DMD: variants seen among roughly 807,000 people sequenced by gnomAD.
DMD encodes the protein dystrophin, also known as mutant dystrophin.
A neutral mutation model predicts 330.1 loss-of-function variants in DMD; 63 were observed. That is an observed-to-expected ratio of 0.19 (90% CI 0.16 to 0.24). DMD has a LOEUF of 0.24. DMD is among the 10% of genes least tolerant of loss of function. DMD has a pLI of 1.00. For synonymous variants in DMD, 1,223 were observed against 959.8 expected (o/e 1.27, Z -5.07); for missense variants, 3,344 against 2,684.1 (o/e 1.25, Z -5.43).
rs35180404 is a variant in DMD, at chrX:32,975,346, C to CTT, written c.93+44791_93+44792dup. Reference sequence around the variant, plus strand: ...TTTGCTTTTTAAACTTTAAAAAATGCTTTTTTTTTTTTTTTTTTTTTTTGA... The same window carrying CTT: ...TTTGCTTTTTAAACTTTAAAAAATGCTTTTTTTTTTTTTTTTTTTTTTTTTGA... On this transcript the variant is annotated intron_variant, in intron 2 of 78. Transcript: ENST00000357033. 8.6e-3 allele frequency among the ~76,000 whole-genome samples: 553 copies of CTT among 64,663 alleles called. 9 individuals are homozygous for CTT. The highest frequency in any genetic ancestry group is 0.035 in the East Asian group (69 of 1,984). The allele number at this position is 64,663 out of a possible 115,157, so 56.2% of individuals were successfully genotyped here.
At chrX:31,936,090 G>T (rs533777498) in intron 45 of DMD, among the ~76,000 whole-genome samples, 2 of 110,478 alleles carry the variant, frequency 1.8e-5, no homozygotes, top group Non-Finnish European at 3.8e-5. Flanking sequence ...TTAAAAACTT[G>T]ATTTTTTAAG....
chrX:31,622,877 T>TAC (rs1169355719), intron 55 of DMD, among the ~76,000 whole-genome samples: 2,537 of 70,132 alleles, frequency 0.036, 42 homozygotes, highest in Admixed American at 0.085. Context: ...TATATATATA[T>TAC]ACACACACAC....
chrX:31,804,699 C>T (rs1210944926), intron 50 of DMD, among the ~76,000 whole-genome samples: 1 of 111,825 alleles, frequency 8.9e-6, no homozygotes, highest in East Asian at 2.8e-4. Flanking sequence ...CTCAGTGCTT[C>T]AGCCATACTG....
intron 71 of DMD, among the ~76,000 whole-genome samples, chrX:31,175,961 A>G (rs2148254758): frequency 9.0e-6 from 1 of 111,051 alleles, no homozygotes; most frequent in Non-Finnish European, 1.9e-5. Context: ...AGGAAAACCA[A>G]ACGGTCTGTA....
intron 37 of DMD, among the ~76,000 whole-genome samples, chrX:32,349,308 G>T (rs1213984064): frequency 9.0e-6 from 1 of 111,189 alleles, no homozygotes; most frequent in East Asian, 2.8e-4. Flanking sequence ...TTAGTTATTA[G>T]ATTAAAATTC....
chrX:33,001,189 A>G (rs2093270707), intron 2 of DMD, among the ~76,000 whole-genome samples: 1 of 111,749 alleles, frequency 8.9e-6, no homozygotes, highest in Admixed American at 9.6e-5. Context: ...AGGAGTGACT[A>G]CAATGTGACT....
At chrX:31,925,959 T>C (rs1163819232) in intron 47 of DMD, among the ~76,000 whole-genome samples, 4 of 108,734 alleles carry the variant, frequency 3.7e-5, no homozygotes, top group Non-Finnish European at 5.7e-5. Context: ...TAGATGAAAA[T>C]TAGCCTAAAA....
intron 29 of DMD, among the ~76,000 whole-genome samples, chrX:32,417,175 A>C (rs2147988053): frequency 9.0e-6 from 1 of 111,711 alleles, no homozygotes; most frequent in Non-Finnish European, 1.9e-5. Flanking sequence ...TCTCATTCTA[A>C]GAGATGGAAA....
At chrX:32,756,485 C>T (rs1438260950) in intron 7 of DMD, 7 of 111,714 alleles carry the variant, frequency 6.3e-5, no homozygotes, top group Non-Finnish European at 1.3e-4. Flanking sequence ...ACAAACACAT[C>T]TCTTCAAATA....
intron 62 of DMD, among the ~76,000 whole-genome samples, chrX:31,305,462 A>G (rs2054959206): frequency 9.0e-6 from 1 of 111,381 alleles, no homozygotes; most frequent in African/African-American, 3.3e-5. Flanking sequence ...CTGACCTCCA[A>G]TGCATCAGCA....
At chrX:32,171,556 T>C (rs758998445) in intron 44 of DMD, among the ~76,000 whole-genome samples, 7 of 111,985 alleles carry the variant, frequency 6.3e-5, no homozygotes, top group Non-Finnish European at 1.3e-4. Flanking sequence ...TTAAACTTTG[T>C]TGAACTCATA....
intron 1 of DMD, among the ~76,000 whole-genome samples, chrX:33,088,259 G>GGT (rs2095036231): frequency 9.0e-6 from 1 of 110,808 alleles, no homozygotes; most frequent in Non-Finnish European, 1.9e-5. Flanking sequence ...TGATCAAGCT[G>GGT]GTGTCGAACT....
chrX:31,295,950 T>C (rs1022960119), intron 62 of DMD, among the ~76,000 whole-genome samples: 2 of 107,688 alleles, frequency 1.9e-5, no homozygotes, highest in East Asian at 5.8e-4. Context: ...TACAGAAGCA[T>C]GGACTCTATG....
chrX:31,491,600 T>C (rs948812620), intron 57 of DMD, among the ~76,000 whole-genome samples: 1 of 112,091 alleles, frequency 8.9e-6, no homozygotes, highest in African/African-American at 3.2e-5. Flanking sequence ...TTTTATTAAT[T>C]AGTCTTGAGA....
intron 55 of DMD, among the ~76,000 whole-genome samples, chrX:31,620,096 AAAT>A (rs1401376773): frequency 8.9e-6 from 1 of 111,807 alleles, no homozygotes; most frequent in East Asian, 2.8e-4. Flanking sequence ...CCAAAATGGA[AAAT>A]AATAAAGTAA....
intron 2 of DMD, among the ~76,000 whole-genome samples, chrX:32,896,280 G>C (rs975631867): frequency 9.0e-6 from 1 of 111,390 alleles, no homozygotes; most frequent in Non-Finnish European, 1.9e-5. Context: ...ATAGGAGGCA[G>C]GTTTTACTTT....
intron 34 of DMD, among the ~76,000 whole-genome samples, chrX:32,369,172 A>T (rs180685473): frequency 4.2e-4 from 47 of 111,992 alleles, no homozygotes; most frequent in African/African-American, 1.5e-3. Flanking sequence ...TGATAGCTCC[A>T]GTATAAATAG....
intron 15 of DMD, among the ~76,000 whole-genome samples, chrX:32,570,431 A>C (rs1178736849): frequency 1.8e-5 from 2 of 112,099 alleles, no homozygotes; most frequent in Non-Finnish European, 3.8e-5. Context: ...GACATAACAC[A>C]AATTTTAATC....
intron 43 of DMD, among the ~76,000 whole-genome samples, chrX:32,276,244 C>A (rs1025068167): frequency 8.9e-6 from 1 of 112,640 alleles, no homozygotes; most frequent in African/African-American, 3.2e-5. Flanking sequence ...TGGCAAGCCT[C>A]ACCATTGTGG....
Sources: allele counts gnomAD v4.1 joint callset (sites outside exome capture counted in the v4.1 genomes callset), GRCh38; gene constraint gnomAD v4.1.1; transcripts MANE v1.5; gene names NCBI Gene and HGNC (gene_info 2026-07-23, HGNC 2026-07-21).